The following N4BP1 variants were observed in gnomAD, a reference collection of about 807,000 sequenced individuals.
The protein encoded by N4BP1 is NEDD4 binding protein 1.
N4BP1 carries 21 observed loss-of-function variants against 70.9 expected under a neutral mutation model. That is an observed-to-expected ratio of 0.30 (90% CI 0.21 to 0.43). The LOEUF (loss-of-function observed/expected upper bound fraction) is 0.43, where lower values mean the gene tolerates loss of function less well. N4BP1 is among the 20% of genes least tolerant of loss of function. N4BP1 has a pLI of 1.00. For missense variants in N4BP1, 936 were observed against 1,069.4 expected (o/e 0.88, Z 1.74); for synonymous variants, 387 against 394.6 (o/e 0.98, Z 0.23).
chr16:48,588,345 G>A (rs1296853843), intron 1 of N4BP1, among the ~76,000 whole-genome samples: 1 of 150,818 alleles, frequency 6.6e-6, no homozygotes, highest in Admixed American at 6.6e-5. Flanking sequence ...CCCAGGCTGG[G>A]GTGCAATGGC....
intron 1 of N4BP1, among the ~76,000 whole-genome samples, 173 bp downstream of exon 1, chr16:48,609,602 C>T (rs1964645041): frequency 6.6e-6 from 1 of 152,250 alleles, no homozygotes; most frequent in Non-Finnish European, 1.5e-5. Flanking sequence ...GGGGATCAAG[C>T]CGCTATCCAA....
At chr16:48,549,895 G>A (rs1963641506) in intron 4 of N4BP1, among the ~76,000 whole-genome samples, 1 of 152,184 alleles carries the variant, frequency 6.6e-6, no homozygotes, top group Non-Finnish European at 1.5e-5. Flanking sequence ...AAACACCAGG[G>A]TTGTTGTTAG....
chr16:48,591,920 A>G (rs112904965), intron 1 of N4BP1, among the ~76,000 whole-genome samples: 3 of 150,874 alleles, frequency 2.0e-5, no homozygotes, highest in African/African-American at 7.3e-5. Context: ...GGGGTATCAG[A>G]AATTACTCTG....
chr16:48,595,456 CAAAAAAAA>C (rs373163833), intron 1 of N4BP1, among the ~76,000 whole-genome samples: 1,664 of 57,474 alleles, frequency 0.029, 45 homozygotes, highest in African/African-American at 0.099. Context: ...GACTCTGTCT[CAAAAAAAA>C]AAAAAAAAAA....
intron 1 of N4BP1, among the ~76,000 whole-genome samples, chr16:48,566,225 T>A (rs2151090979): frequency 6.6e-6 from 1 of 152,134 alleles, no homozygotes; most frequent in African/African-American, 2.4e-5. Context: ...TTATTATTAT[T>A]ATAGAGGCAA....
intron 1 of N4BP1, among the ~76,000 whole-genome samples, chr16:48,593,870 C>T (rs991485337): frequency 2.0e-5 from 3 of 151,690 alleles, no homozygotes; most frequent in East Asian, 1.9e-4. Context: ...GGTGTGTTGG[C>T]GGGTGCCTGT....
At position 48,608,275 on chromosome 16, in the gene N4BP1, T is replaced by C. The variant is rs140826954; in HGVS notation, c.198+1500A>G. The stretch of plus-strand genomic sequence containing the variant: ...ACCTCGGCCTCCCAAAGTGCTAGGA[T>C]TACAGGCGTGAGCCACCGCGCCCGG... On this transcript the variant is annotated intron_variant, in intron 1 of 6. Transcript: ENST00000262384. Among the ~76,000 whole-genome samples, 39 of 152,300 alleles carry C rather than the reference T, an allele frequency of 2.6e-4. No homozygotes were observed. The East Asian group carries it at 7.5e-3, about 29-fold the overall frequency.
chr16:48,563,845 GTGATCAGAACAGGGT>G, intron 1 of N4BP1, among the ~76,000 whole-genome samples: 1 of 152,348 alleles, frequency 6.6e-6, no homozygotes, highest in South Asian at 2.1e-4. Context: ...ATAATGTATA[GTGATCAGAACAGGGT>G]AATTAGCATA....
Position 48,560,792 on chromosome 16 carries a change from C to T in N4BP1, c.1851G>A (p.Leu617=). The part of the protein sequence containing the change: ...ELKNEPGRTD[L]KHIVIDGSNV... ...TGCTCCCATCTATAACAATGTGTTT[C>T]AAATCCGTTCTCCCTGGTTCATTTT... The change falls in exon 2 of 7, where the codon TTG becomes TTA. Residue 617 remains leucine (L), a synonymous_variant. Coordinates refer to ENST00000262384, the MANE Select transcript of N4BP1 (RefSeq NM_153029.4). The T allele has an allele frequency of 6.2e-7, 1 of 1,612,016 alleles. No homozygotes were observed. Among genetic ancestry groups the T allele is most frequent in the Non-Finnish European group, 8.5e-7 (1 of 1,179,162 alleles).
intron 1 of N4BP1, among the ~76,000 whole-genome samples, chr16:48,580,783 T>G (rs1261372810): frequency 6.6e-6 from 1 of 152,154 alleles, no homozygotes; most frequent in Non-Finnish European, 1.5e-5. Context: ...GTCCTGGACA[T>G]GTACAGACTT....
intron 5 of N4BP1, among the ~76,000 whole-genome samples, chr16:48,547,559 A>G (rs997847842): frequency 2.0e-5 from 3 of 152,244 alleles, no homozygotes; most frequent in African/African-American, 4.8e-5. Flanking sequence ...AAAAAGTGGA[A>G]ATATTCTCTC....
intron 1 of N4BP1, among the ~76,000 whole-genome samples, chr16:48,564,389 G>A (rs2151090406): frequency 6.6e-6 from 1 of 152,180 alleles, no homozygotes; most frequent in East Asian, 1.9e-4. Context: ...TTTGCCTATA[G>A]GTATAATATT....
chr16:48,546,088 TA>T, intron 6 of N4BP1, 58 bp downstream of exon 6: 1 of 1,182,852 alleles, frequency 8.5e-7, no homozygotes, highest in Non-Finnish European at 1.2e-6. Context: ...GCACTTGCAC[TA>T]AAGCACAAAG....
chr16:48,560,965 T>C lies in N4BP1; in HGVS notation c.1678A>G (p.Thr560Ala), dbSNP rs200650848. ...SSPHSKPNCS[T>A]LSPPMPLPQL... ...GGCAGTGGCATTGGTGGAGAAAGGGTTGAGCAATTTGGCTTAGAATGAGGA... is the reference window on the plus strand; with the variant it reads ...GGCAGTGGCATTGGTGGAGAAAGGGCTGAGCAATTTGGCTTAGAATGAGGA... The change falls in exon 2 of 7, where the codon ACC (threonine) becomes GCC (alanine). Residue 560 changes from threonine (T) to alanine (A), a missense_variant. Coordinates refer to ENST00000262384, the MANE Select transcript of N4BP1 (RefSeq NM_153029.4). The C allele has an allele frequency of 2.2e-4, 350 of 1,613,930 alleles. 1 individual carries two copies. Among genetic ancestry groups the C allele is most frequent in the Non-Finnish European group, 2.4e-4 (281 of 1,179,872 alleles).
chr16:48,593,181 A>G (rs937832213), intron 1 of N4BP1, among the ~76,000 whole-genome samples: 1 of 152,250 alleles, frequency 6.6e-6, no homozygotes, highest in Non-Finnish European at 1.5e-5. Flanking sequence ...GCTATGCTGG[A>G]AAGTCAGACC....
chr16:48,585,007 C>A (rs1298682221), intron 1 of N4BP1, among the ~76,000 whole-genome samples: 7 of 152,144 alleles, frequency 4.6e-5, no homozygotes. Context: ...TTTCGGCTCA[C>A]TGCAACCTCT....
intron 1 of N4BP1, among the ~76,000 whole-genome samples, chr16:48,571,443 A>G (rs1369354919): frequency 2.0e-5 from 3 of 152,230 alleles, no homozygotes; most frequent in African/African-American, 7.2e-5. Flanking sequence ...CATCAAAAGC[A>G]CCCACGCTGG....
At position 48,553,564 on chromosome 16, in the gene N4BP1, T is replaced by C; in HGVS notation, c.1995A>G (p.Arg665=). Residue 665 remains arginine, a synonymous_variant, in exon 3 of 7, where the codon AGA becomes AGG. Coordinates refer to ENST00000262384, the MANE Select transcript of N4BP1 (RefSeq NM_153029.4). ...RNITVFVPQW[R]TRRDPNVTEQ... ...CTGTGACATTAGGATCACGCCTTGT[T>C]CTCCACTGAGGGACAAATACAGTGA... 1 of 1,590,258 alleles carries C rather than the reference T, an allele frequency of 6.3e-7. No homozygotes were observed. Among genetic ancestry groups the C allele is most frequent in the African/African-American group, 1.3e-5 (1 of 74,116 alleles).
At chr16:48,596,736 AATAGCCCTT>A (rs1964419737) in intron 1 of N4BP1, among the ~76,000 whole-genome samples, 1 of 152,210 alleles carries the variant, frequency 6.6e-6, no homozygotes, top group Admixed American at 6.5e-5. Context: ...CAAAACTGAT[AATAGCCCTT>A]TCCTGAAAAG....
Sources: allele counts gnomAD v4.1 joint callset (sites outside exome capture counted in the v4.1 genomes callset), GRCh38; gene constraint gnomAD v4.1.1; transcripts MANE v1.5; gene names NCBI Gene and HGNC (gene_info 2026-07-23, HGNC 2026-07-21).